MGAT4C: variants seen among roughly 807,000 people sequenced by gnomAD.
MGAT4C encodes MGAT4 family member C, also known as alpha-1,3-mannosyl-glycoprotein 4-beta-N-acetylglucosaminyltransferase C.
Under a neutral mutation model 40.1 loss-of-function variants are expected in MGAT4C, and 19 were observed. That is an observed-to-expected ratio of 0.47 (90% CI 0.33 to 0.70). The LOEUF is 0.70. Among genes scored for constraint, MGAT4C ranks in the 30% least tolerant of loss-of-function variants. The probability of loss-of-function intolerance (pLI) is 0.02; values close to 1 mark genes in which losing one functional copy is unlikely to be tolerated. For synonymous variants in MGAT4C, 181 were observed against 187.1 expected, an observed-to-expected ratio of 0.97 and a Z score of 0.27; for missense variants, 491 against 563.2, an observed-to-expected ratio of 0.87 and a Z score of 1.30.
intron 3 of MGAT4C, among the ~76,000 whole-genome samples, chr12:86,390,082 C>G (rs1215742578): frequency 6.6e-6 from 1 of 152,130 alleles, no homozygotes; most frequent in Non-Finnish European, 1.5e-5. Flanking sequence ...ATTCAGCTGA[C>G]CTTGATTCAA....
intron 1 of MGAT4C, among the ~76,000 whole-genome samples, chr12:86,230,397 T>G (rs1311999236): frequency 1.3e-5 from 2 of 152,114 alleles, no homozygotes. Flanking sequence ...TCAATATAAG[T>G]GAACAAGCTA....
intron 2 of MGAT4C, among the ~76,000 whole-genome samples, chr12:86,036,300 C>T (rs1307755389): frequency 5.3e-5 from 8 of 149,818 alleles, no homozygotes; most frequent in African/African-American, 1.7e-4. Flanking sequence ...ATTGAATAGC[C>T]TTTATTTATT....
chr12:86,336,398 C>A (rs1954794472), intron 3 of MGAT4C, among the ~76,000 whole-genome samples: 1 of 152,160 alleles, frequency 6.6e-6, no homozygotes, highest in Non-Finnish European at 1.5e-5. Context: ...ACTCTAAGTG[C>A]AATTTTTCTT....
intron 1 of MGAT4C, among the ~76,000 whole-genome samples, chr12:86,070,608 T>C (rs1282780787): frequency 6.6e-6 from 1 of 152,078 alleles, no homozygotes; most frequent in Non-Finnish European, 1.5e-5. Context: ...GCAGTTTTTA[T>C]GGGTTGTGGC....
intron 2 of MGAT4C, among the ~76,000 whole-genome samples, chr12:86,633,214 G>A (rs1963117882): frequency 6.6e-6 from 1 of 151,838 alleles, no homozygotes; most frequent in African/African-American, 2.4e-5. Flanking sequence ...GATAAAATAT[G>A]CACTTATTTC....
intron 2 of MGAT4C, among the ~76,000 whole-genome samples, chr12:86,031,045 T>C (rs934446448): frequency 4.6e-5 from 7 of 151,936 alleles, no homozygotes; most frequent in Admixed American, 3.9e-4. Flanking sequence ...GTGCCACACT[T>C]AAGATTGACA....
At chr12:86,661,854 G>A (rs1963987900) in intron 2 of MGAT4C, among the ~76,000 whole-genome samples, 1 of 152,100 alleles carries the variant, frequency 6.6e-6, no homozygotes, top group South Asian at 2.1e-4. Flanking sequence ...CATGAGAATT[G>A]CTTGAACCTG....
chr12:86,643,271 A>G (rs1446169169), intron 2 of MGAT4C, among the ~76,000 whole-genome samples: 1 of 151,782 alleles, frequency 6.6e-6, no homozygotes, highest in African/African-American at 2.4e-5. Flanking sequence ...GTTAGGTCCC[A>G]CTTCTCAACA....
chr12:86,575,177 T>C (rs1414746665), intron 2 of MGAT4C, among the ~76,000 whole-genome samples: 1 of 151,780 alleles, frequency 6.6e-6, no homozygotes, highest in Non-Finnish European at 1.5e-5. Context: ...TCTTCAAAAT[T>C]ATTTTTCTTA....
At position 86,372,594 on chromosome 12, in the gene MGAT4C, T is replaced by A. The variant is rs117387402; in HGVS notation, c.-119-38467A>T. Among the ~76,000 whole-genome samples, 134 of 152,030 alleles carry A rather than the reference T, an allele frequency of 8.8e-4. 1 individual carries two copies. In the East Asian group the frequency reaches 0.025, roughly 29 times the overall value. On this transcript the variant is annotated intron_variant, in intron 3 of 7. Transcript: ENST00000548651. ...CTTTTATGGATATACTGCCCAAGTC[T>A]ATGTGAAGTATTATATATTCAGAAC...
intron 2 of MGAT4C, among the ~76,000 whole-genome samples, chr12:86,507,988 T>G (rs1393073673): frequency 6.6e-6 from 1 of 152,124 alleles, no homozygotes; most frequent in Non-Finnish European, 1.5e-5. Context: ...ATTTGTAGAC[T>G]GTTTTTGTTA....
intron 2 of MGAT4C, among the ~76,000 whole-genome samples, chr12:86,004,101 C>A (rs188970026): frequency 3.9e-5 from 6 of 152,014 alleles, no homozygotes; most frequent in Non-Finnish European, 7.4e-5. Context: ...CTCAAAGGGA[C>A]CCTAAAAAAT....
intron 1 of MGAT4C, among the ~76,000 whole-genome samples, chr12:86,072,381 T>A (rs892069180): frequency 1.3e-5 from 2 of 152,090 alleles, no homozygotes; most frequent in Non-Finnish European, 2.9e-5. Context: ...CAAACCATGC[T>A]TTTTTATTGT....
At chr12:86,236,564 ACC>A (rs1951555763) in intron 1 of MGAT4C, among the ~76,000 whole-genome samples, 1 of 152,014 alleles carries the variant, frequency 6.6e-6, no homozygotes, top group African/African-American at 2.4e-5. Flanking sequence ...CTAATACAAA[ACC>A]AAGTGCCAAA....
chr12:86,830,175 C>T (rs981749740), intron 1 of MGAT4C, among the ~76,000 whole-genome samples: 2 of 151,454 alleles, frequency 1.3e-5, no homozygotes, highest in African/African-American at 4.8e-5. Flanking sequence ...TCCCTCTTGT[C>T]AGTCCATCCA....
chr12:86,454,589 C>T (rs1457042572), intron 2 of MGAT4C, among the ~76,000 whole-genome samples: 1 of 151,936 alleles, frequency 6.6e-6, no homozygotes, highest in Non-Finnish European at 1.5e-5. Flanking sequence ...AGACACATTG[C>T]TACACAAAAG....
At chr12:86,474,865 A>G (rs1030312744) in intron 2 of MGAT4C, among the ~76,000 whole-genome samples, 2 of 149,682 alleles carry the variant, frequency 1.3e-5, no homozygotes, top group African/African-American at 4.8e-5. Flanking sequence ...CATTGTACAA[A>G]GCAAATAAAT....
chr12:86,576,733 AT>A (rs1371341300), intron 2 of MGAT4C, among the ~76,000 whole-genome samples: 2 of 151,972 alleles, frequency 1.3e-5, no homozygotes, highest in South Asian at 4.1e-4. Context: ...GATCTGTAGT[AT>A]AATTTGAAGT....
chr12:86,633,016 G>A (rs929939618), intron 2 of MGAT4C, among the ~76,000 whole-genome samples: 2 of 151,850 alleles, frequency 1.3e-5, no homozygotes, highest in African/African-American at 2.4e-5. Flanking sequence ...CATAGCATAA[G>A]TGTGTTTTCT....
Sources: allele counts gnomAD v4.1 joint callset (sites outside exome capture counted in the v4.1 genomes callset), GRCh38; gene constraint gnomAD v4.1.1; transcripts MANE v1.5; gene names NCBI Gene and HGNC (gene_info 2026-07-23, HGNC 2026-07-21).